DLGAP1: variants seen among roughly 807,000 people sequenced by gnomAD.
The protein encoded by DLGAP1 is DLG associated protein 1.
A neutral mutation model predicts 90.8 loss-of-function variants in DLGAP1; 11 were observed. The observed-to-expected ratio is 0.12, with a 90% CI of 0.08 to 0.20. The LOEUF (loss-of-function observed/expected upper bound fraction) is 0.20. Ranked by LOEUF, DLGAP1 falls within the 10% of genes least tolerant of loss-of-function variation. The pLI, the probability that DLGAP1 is intolerant of heterozygous loss-of-function variation, is 1.00. For missense variants in DLGAP1, 1,050 were observed against 1,333.8 expected, an observed-to-expected ratio of 0.79 and a Z score of 3.31; for synonymous variants, 558 against 540.7, an observed-to-expected ratio of 1.03 and a Z score of -0.44.
At chr18:3,635,843 C>T (rs1409991515) in intron 7 of DLGAP1, among the ~76,000 whole-genome samples, 4 of 151,470 alleles carry the variant, frequency 2.6e-5, no homozygotes, top group Admixed American at 1.3e-4. Context: ...TCTTGACAGG[C>T]CTTCCTCAAT....
intron 1 of DLGAP1, among the ~76,000 whole-genome samples, chr18:4,336,217 C>T (rs959039967): frequency 2.6e-5 from 4 of 152,194 alleles, no homozygotes; most frequent in Admixed American, 1.3e-4. Context: ...TCCATTCTTC[C>T]AACTCCAATT....
intron 2 of DLGAP1, among the ~76,000 whole-genome samples, chr18:4,147,960 C>T (rs1486420830): frequency 6.6e-6 from 1 of 152,170 alleles, no homozygotes; most frequent in Non-Finnish European, 1.5e-5. Flanking sequence ...AATGTGCATT[C>T]TTGGGCCTCA....
intron 7 of DLGAP1, among the ~76,000 whole-genome samples, chr18:3,701,290 C>A (rs1892564053): frequency 6.6e-6 from 1 of 152,194 alleles, no homozygotes; most frequent in Admixed American, 6.5e-5. Context: ...CCTTCTTCAG[C>A]TATTCTTCAT....
intron 5 of DLGAP1, among the ~76,000 whole-genome samples, chr18:3,773,050 C>T (rs1364661433): frequency 6.6e-6 from 1 of 151,988 alleles, no homozygotes; most frequent in African/African-American, 2.4e-5. Flanking sequence ...TGAAAGAATA[C>T]TGGAATGAAG....
intron 2 of DLGAP1, among the ~76,000 whole-genome samples, chr18:4,011,310 T>C: frequency 6.6e-6 from 1 of 151,778 alleles, no homozygotes; most frequent in East Asian, 1.9e-4. Context: ...GAGAAAAGGC[T>C]CAAGGGGGGT....
At chr18:3,856,268 A>G (rs2069636679) in intron 4 of DLGAP1, among the ~76,000 whole-genome samples, 1 of 152,214 alleles carries the variant, frequency 6.6e-6, no homozygotes, top group East Asian at 1.9e-4. Flanking sequence ...GAGCAAAGAG[A>G]GCTGGGAAAG....
At chr18:3,821,321 C>T (rs892361715) in intron 4 of DLGAP1, among the ~76,000 whole-genome samples, 3 of 133,094 alleles carry the variant, frequency 2.3e-5, no homozygotes, top group Non-Finnish European at 3.2e-5. Context: ...AAAGATGAAA[C>T]GACTTGCCCA....
intron 12 of DLGAP1, among the ~76,000 whole-genome samples, chr18:3,501,228 AT>A (rs1199228855): frequency 1.9e-3 from 117 of 62,008 alleles, no homozygotes; most frequent in African/African-American, 7.9e-3. Context: ...AACAATGATT[AT>A]TTAAAAAAAA....
chr18:4,095,986 T>C (rs369782360), intron 2 of DLGAP1, among the ~76,000 whole-genome samples: 1 of 152,262 alleles, frequency 6.6e-6, no homozygotes, highest in African/African-American at 2.4e-5. Flanking sequence ...GAGATGATGA[T>C]GATTATTTTT....
chr18:4,142,573 T>C (rs1054772464), intron 2 of DLGAP1, among the ~76,000 whole-genome samples: 1 of 152,174 alleles, frequency 6.6e-6, no homozygotes, highest in Non-Finnish European at 1.5e-5. Flanking sequence ...CAAATAGCAA[T>C]AGAAGTTTCT....
At chr18:3,942,974 T>C (rs1599194846) in intron 3 of DLGAP1, among the ~76,000 whole-genome samples, 1 of 152,048 alleles carries the variant, frequency 6.6e-6, no homozygotes, top group African/African-American at 2.4e-5. Flanking sequence ...TTTTTGTTTT[T>C]TTTTTTCCAC....
chr18:3,743,897 G>A (rs2063161498), intron 5 of DLGAP1, among the ~76,000 whole-genome samples: 1 of 151,524 alleles, frequency 6.6e-6, no homozygotes, highest in East Asian at 1.9e-4. Context: ...TGACCTGCCT[G>A]CCTCGGCCTC....
At chr18:3,584,278 A>T (rs1017602490) in intron 7 of DLGAP1, among the ~76,000 whole-genome samples, 65 of 104,026 alleles carry the variant, frequency 6.2e-4, no homozygotes, top group African/African-American at 2.3e-3. Flanking sequence ...CAGCCCACCC[A>T]CTCTCACAGG....
chr18:4,446,331 TTTTAGA>T (rs2083666904), intron 1 of DLGAP1, among the ~76,000 whole-genome samples: 1 of 152,092 alleles, frequency 6.6e-6, no homozygotes, highest in Non-Finnish European at 1.5e-5. Flanking sequence ...CTCAAGAGCA[TTTTAGA>T]AAAGTAAATT....
At chr18:4,262,716 G>A (rs1033213396) in intron 1 of DLGAP1, among the ~76,000 whole-genome samples, 1 of 152,080 alleles carries the variant, frequency 6.6e-6, no homozygotes, top group East Asian at 1.9e-4. Flanking sequence ...GACTCCCTGG[G>A]TTTGAACCAC....
chr18:4,032,749 C>G (rs1312507222), intron 2 of DLGAP1, among the ~76,000 whole-genome samples: 2 of 152,180 alleles, frequency 1.3e-5, no homozygotes, highest in East Asian at 3.8e-4. Flanking sequence ...AGCCCATGTA[C>G]TCCCATCATA....
At chr18:3,782,014 TTC>T (rs2065218739) in intron 5 of DLGAP1, among the ~76,000 whole-genome samples, 1 of 151,838 alleles carries the variant, frequency 6.6e-6, no homozygotes, top group Non-Finnish European at 1.5e-5. Flanking sequence ...CTACGGGAGA[TTC>T]TATTCCAAGC....
chr18:4,425,490 CT>C (rs986683603), intron 1 of DLGAP1, among the ~76,000 whole-genome samples: 32 of 152,186 alleles, frequency 2.1e-4, no homozygotes, highest in African/African-American at 7.2e-4. Flanking sequence ...GGAACTGAAT[CT>C]GTGCCAAGGA....
In DLGAP1 at chr18:3,502,562, A is replaced by G; in HGVS notation, c.2655T>C (p.Ser885=). 1 of 1,614,142 alleles carries G rather than the reference A, an allele frequency of 6.2e-7. No homozygotes were observed. The highest frequency in any genetic ancestry group is 8.5e-7 in the Non-Finnish European group (1 of 1,179,998). ...DMLQLSIENI[S]MKFDELHQLK... is the part of the protein sequence containing the mutation. ...ACTGATGAAGTTCATCAAATTTCAT[A>G]CTAATATTTTCTATGGACAACTGCA... The change falls in exon 12 of 13, where the codon AGT becomes AGC. Residue 885 remains serine (S), a synonymous_variant. Coordinates refer to ENST00000315677, the MANE Select transcript of DLGAP1 (RefSeq NM_004746.4).
Sources: gnomAD v4.1 joint callset for allele counts (sites outside exome capture counted in the v4.1 genomes callset) on GRCh38, gnomAD v4.1.1 for gene constraint, MANE v1.5 for transcripts, NCBI Gene and HGNC (gene_info 2026-07-23, HGNC 2026-07-21) for gene names.